Variants in ITGA9 observed in about 807,000 individuals in gnomAD.
ITGA9 encodes the protein integrin alpha-9.
ITGA9 carries 56 observed loss-of-function variants against 127.8 expected under a neutral mutation model. The ratio of observed to expected loss-of-function variants is 0.44; its 90% CI spans 0.35 to 0.55. ITGA9 has a LOEUF of 0.55. ITGA9 is among the 20% of genes least tolerant of loss of function. The pLI, the probability that ITGA9 is intolerant of heterozygous loss-of-function variation, is 0.00. For missense variants in ITGA9, 1,196 were observed against 1,347.1 expected (o/e 0.89, Z 1.76); for synonymous variants, 508 against 514.5 (o/e 0.99, Z 0.17).
At chr3:37,506,379 G>A (rs1326358091) in intron 7 of ITGA9, among the ~76,000 whole-genome samples, 4 of 152,238 alleles carry the variant, frequency 2.6e-5, no homozygotes, top group Non-Finnish European at 5.9e-5. Context: ...GCCTTATGGT[G>A]TCCTTCAAAA....
rs1392500516 is a variant in ITGA9 at position 37,789,605 on chromosome 3, C to CTAA, written c.2889+4527_2889+4528insTAA. 2.2e-3 allele frequency among the ~76,000 whole-genome samples: 316 copies of CTAA among 140,752 alleles called. 2 individuals are homozygous for CTAA. Among genetic ancestry groups the CTAA allele is most frequent in the Non-Finnish European group, 3.6e-3 (235 of 64,866 alleles). The allele number at this position is 140,752 out of a possible 152,430, so 92.3% of individuals were successfully genotyped here. ...TAACCCTGTCTCTACTAAAAAATAC[C>CTAA]AAAAAAAAAAAAAATGAGCTGGGTG... On this transcript the variant is annotated intron_variant, in intron 26 of 27. Coordinates refer to ENST00000264741, the MANE Select transcript of ITGA9 (RefSeq NM_002207.3).
intron 25 of ITGA9, among the ~76,000 whole-genome samples, chr3:37,782,954 A>G (rs944885263): frequency 6.6e-6 from 1 of 152,212 alleles, no homozygotes; most frequent in African/African-American, 2.4e-5. Flanking sequence ...CCTGGCCAAC[A>G]TGGTGAAACC....
intron 12 of ITGA9, among the ~76,000 whole-genome samples, chr3:37,525,542 A>G (rs17229924): frequency 0.056 from 8,512 of 152,234 alleles, 280 homozygotes; most frequent in East Asian, 0.094. Flanking sequence ...GAGTCACTGA[A>G]TTCTAGGTAT....
chr3:37,749,477 C>T (rs186423775), intron 22 of ITGA9: 1 of 152,638 alleles, frequency 6.6e-6, no homozygotes, highest in East Asian at 1.9e-4. Flanking sequence ...CCCTATTCTT[C>T]CTGCTCCCCA....
chr3:37,615,674 T>G (rs1290534726), intron 15 of ITGA9, among the ~76,000 whole-genome samples: 2 of 152,246 alleles, frequency 1.3e-5, no homozygotes, highest in African/African-American at 4.8e-5. Context: ...GAGATTCAAC[T>G]TCTTCCTGGT....
chr3:37,466,022 A>G (rs1407383526), intron 1 of ITGA9, among the ~76,000 whole-genome samples: 1 of 152,012 alleles, frequency 6.6e-6, no homozygotes, highest in African/African-American at 2.4e-5. Context: ...CTGCTTCCCT[A>G]TCTGTAAAAT....
chr3:37,694,226 A>G (rs1369704861), intron 18 of ITGA9, among the ~76,000 whole-genome samples: 1 of 152,220 alleles, frequency 6.6e-6, no homozygotes, highest in African/African-American at 2.4e-5. Flanking sequence ...GAAACTCGGC[A>G]TTCCTCAGAG....
intron 27 of ITGA9, chr3:37,818,610 C>A: frequency 2.1e-6 from 1 of 469,256 alleles, no homozygotes; most frequent in Admixed American, 3.4e-5. Context: ...CTCTCAGTAA[C>A]TGGTATTCCC....
rs1378755603 is a variant in ITGA9 at position 37,736,992 on chromosome 3, G to A, written c.2234+9G>A. 1.0e-5 allele frequency: 16 copies of A among 1,580,672 alleles called. No individual in the cohort carries two copies. The highest frequency in any genetic ancestry group is 1.4e-5 in the Non-Finnish European group (16 of 1,150,272). On this transcript the variant is annotated intron_variant, in intron 20 of 27. Transcript: ENST00000264741. ...ATTGTTACTGCTCAGAGGTAAGGGG[G>A]GGGTTTAAACACTTTTTTCAAAGAT...
intron 16 of ITGA9, among the ~76,000 whole-genome samples, chr3:37,638,446 A>G (rs1418386400): frequency 4.1e-5 from 5 of 123,028 alleles, no homozygotes; most frequent in Non-Finnish European, 4.9e-5. Context: ...TTTCCTGATT[A>G]TGGGGAAAAA....
At chr3:37,625,201 C>G (rs1029642340) in intron 15 of ITGA9, among the ~76,000 whole-genome samples, 1 of 152,170 alleles carries the variant, frequency 6.6e-6, no homozygotes, top group African/African-American at 2.4e-5. Context: ...GGAAGCCTGC[C>G]AGCCCTCAGT....
Position 37,744,006 on chromosome 3 carries a change from A to C in ITGA9, c.2405A>C (p.His802Pro), listed in dbSNP as rs1696469809. 1.2e-6 allele frequency: 2 copies of C among 1,613,908 alleles called. No homozygotes were observed. The highest frequency in any genetic ancestry group is 4.5e-5 in the East Asian group (2 of 44,880). Residue 802 changes from histidine (H) to proline (P), a missense_variant, in exon 22 of 28, where the codon CAC becomes CCC. His to Pro is a moderately conservative substitution (Grantham distance 77, BLOSUM62 -2). Transcript: ENST00000264741. ...ATTCAGCTGGATGACCTGGAGTGTC[A>C]CTTTCAGCCCATCAATATCACCCTT... ...NFIQLDDLECHFQPINITLQV... is the reference protein window; with the variant it reads ...NFIQLDDLECPFQPINITLQV...
At chr3:37,463,467 T>C (rs1698337676) in intron 1 of ITGA9, among the ~76,000 whole-genome samples, 1 of 152,154 alleles carries the variant, frequency 6.6e-6, no homozygotes. Flanking sequence ...TTATTTTTGC[T>C]CCATATGTAT....
chr3:37,737,178 C>T (rs1030133575), intron 20 of ITGA9, among the ~76,000 whole-genome samples, 195 bp downstream of exon 20: 1 of 152,152 alleles, frequency 6.6e-6, no homozygotes. Context: ...CTTGCATAGC[C>T]GCCACTGCAG....
Position 37,821,915 on chromosome 3 carries a change from G to A in ITGA9, c.*2926G>A, listed in dbSNP as rs1697519429. The A allele has an allele frequency of 6.6e-6, 1 of 152,080 alleles. No individual in the cohort carries two copies. The highest frequency in any genetic ancestry group is 1.5e-5 in the Non-Finnish European group (1 of 68,028). The allele number at this position is 152,080 out of a possible 1,614,324, so 9.4% of individuals were successfully genotyped here. A position where few individuals can be genotyped will look rare whatever the true frequency, so the allele number is the denominator to read the frequency against. Reference sequence around the variant, plus strand: ...GCTGGTCTGATCGTGCTGAGTAGCAGGTGGGCTACGGGGACTGGGGAGTTA... The same window carrying A: ...GCTGGTCTGATCGTGCTGAGTAGCAAGTGGGCTACGGGGACTGGGGAGTTA... On this transcript the variant is annotated 3_prime_UTR_variant, in exon 28 of 28. Transcript: ENST00000264741.
intron 16 of ITGA9, among the ~76,000 whole-genome samples, chr3:37,649,116 CAA>C (rs34729329): frequency 6.0e-5 from 5 of 83,152 alleles, no homozygotes; most frequent in East Asian, 3.7e-4. Context: ...CCTATCGATA[CAA>C]AAAAAAAAAA....
chr3:37,736,647 A>AAAG (rs2125530673), intron 19 of ITGA9, among the ~76,000 whole-genome samples: 2 of 152,360 alleles, frequency 1.3e-5, no homozygotes, highest in African/African-American at 4.8e-5. Flanking sequence ...AGTCCCGGTT[A>AAAG]AAGAGTGTAA....
intron 1 of ITGA9, among the ~76,000 whole-genome samples, chr3:37,461,595 C>A (rs1001709297): frequency 1.3e-5 from 2 of 152,234 alleles, no homozygotes; most frequent in African/African-American, 4.8e-5. Flanking sequence ...TTTGTTGATT[C>A]ATTCATTTAT....
At chr3:37,811,579 C>G (rs950916780) in intron 27 of ITGA9, among the ~76,000 whole-genome samples, 2 of 152,186 alleles carry the variant, frequency 1.3e-5, no homozygotes, top group African/African-American at 4.8e-5. Flanking sequence ...CACCCTCCTC[C>G]CCTCCCCAGC....
Sources: gnomAD v4.1 joint callset for allele counts (sites outside exome capture counted in the v4.1 genomes callset) on GRCh38, gnomAD v4.1.1 for gene constraint, MANE v1.5 for transcripts, NCBI Gene and HGNC (gene_info 2026-07-23, HGNC 2026-07-21) for gene names.